SNAPC3: variants seen among roughly 807,000 people sequenced by gnomAD.
The protein encoded by SNAPC3 is small nuclear RNA activating complex polypeptide 3.
SNAPC3 carries 56 observed loss-of-function variants against 47.7 expected under a neutral mutation model. That is an observed-to-expected ratio of 1.18 (90% CI 0.95 to 1.47). The LOEUF (loss-of-function observed/expected upper bound fraction) is 1.47. SNAPC3 is among the 40% of genes most tolerant of loss of function. The probability of loss-of-function intolerance (pLI) is 0.00; values close to 1 mark genes in which losing one functional copy is unlikely to be tolerated. For missense variants in SNAPC3, 665 were observed against 511.3 expected (o/e 1.30, Z -2.90); for synonymous variants, 235 against 189.9 (o/e 1.24, Z -1.95).
chr9:15,458,204 G>GA (rs1428135608), intron 8 of SNAPC3, 137 bp downstream of exon 8: 2 of 527,518 alleles, frequency 3.8e-6, no homozygotes, highest in African/African-American at 4.0e-5. Flanking sequence ...GGAAGTGCCA[G>GA]AAAATCAATT....
At chr9:15,455,484 T>C (rs2034708475) in intron 7 of SNAPC3, among the ~76,000 whole-genome samples, 1 of 152,048 alleles carries the variant, frequency 6.6e-6, no homozygotes, top group African/African-American at 2.4e-5. Flanking sequence ...CGAGAATCAC[T>C]TGAACCCGGG....
At chr9:15,452,971 C>T in intron 6 of SNAPC3, 70 bp from the exon 7 acceptor site, 1 of 1,328,388 alleles carries the variant, frequency 7.5e-7, no homozygotes, top group Non-Finnish European at 1.0e-6. Context: ...TTACTGCAAT[C>T]ACAAACTGTT....
In SNAPC3 at chr9:15,461,477, A is replaced by G. The variant is rs1228675230; in HGVS notation, c.*1611A>G. 1 of 152,174 alleles carries G rather than the reference A, an allele frequency of 6.6e-6. No homozygotes were observed. Among genetic ancestry groups the G allele is most frequent in the East Asian group, 1.9e-4 (1 of 5,202 alleles). The allele number at this position is 152,174 out of a possible 1,614,324, so 9.4% of individuals were successfully genotyped here. A position where few individuals can be genotyped will look rare whatever the true frequency, so the allele number is the denominator to read the frequency against. On this transcript the variant is annotated 3_prime_UTR_variant, in exon 9 of 9. Transcript: ENST00000380821. ...GCGCCCAGCAAAATAAACTTTCTTT[A>G]TTTTCAGGTCTAGACCATCAGATAG...
chr9:15,460,434 A>T lies in SNAPC3; in HGVS notation c.*568A>T, dbSNP rs1047131762. 1 of 152,262 alleles carries T rather than the reference A, an allele frequency of 6.6e-6. No individual in the cohort carries two copies. The highest frequency in any genetic ancestry group is 2.1e-4 in the South Asian group (1 of 4,828). 9.4% of individuals were successfully genotyped at this position (152,262 alleles called of 1,614,324 possible). A position where few individuals can be genotyped will look rare whatever the true frequency, so the allele number is the denominator to read the frequency against. ...AGACAAAATCTCGCTCTTGTTGCCC[A>T]GGCTGGAATACAGTGGCGCAATCTC... On this transcript the variant is annotated 3_prime_UTR_variant, in exon 9 of 9. Transcript: ENST00000380821.
intron 3 of SNAPC3, among the ~76,000 whole-genome samples, chr9:15,444,049 C>T (rs922483519): frequency 1.3e-5 from 2 of 152,168 alleles, no homozygotes; most frequent in Non-Finnish European, 2.9e-5. Flanking sequence ...TTTTAAAACT[C>T]CTGCATCTAA....
intron 7 of SNAPC3, 30 bp downstream of exon 7, chr9:15,453,235 A>T: frequency 6.5e-7 from 1 of 1,531,386 alleles, no homozygotes; most frequent in Non-Finnish European, 8.8e-7. Context: ...ACATTTTGTT[A>T]CCTTTTTTTT....
In SNAPC3 at chr9:15,447,136, C is replaced by T. The variant is rs767418186; in HGVS notation, c.624C>T (p.Gly208=). 2 of 1,613,870 alleles carry T rather than the reference C, an allele frequency of 1.2e-6. No homozygotes were observed. Among genetic ancestry groups the T allele is most frequent in the East Asian group, 4.5e-5 (2 of 44,884 alleles). ...HKPYQTMLVL[G]SQKLTQLRDS... ...CATACCAAACAATGCTGGTGTTGGG[C>T]AGTCAAAAACTCACACAACTGAGGG... The change falls in exon 5 of 9, where the codon GGC becomes GGT. Residue 208 remains glycine, a synonymous_variant. Transcript: ENST00000380821.
At chr9:15,439,788 T>A (rs2033160641) in intron 3 of SNAPC3, among the ~76,000 whole-genome samples, 1 of 152,110 alleles carries the variant, frequency 6.6e-6, no homozygotes, top group African/African-American at 2.4e-5. Flanking sequence ...CCTGCCTCAG[T>A]CTCCCAAAGT....
chr9:15,441,900 G>C (rs1432330409), intron 3 of SNAPC3, among the ~76,000 whole-genome samples: 2 of 152,184 alleles, frequency 1.3e-5, no homozygotes, highest in Non-Finnish European at 2.9e-5. Context: ...TTCTCAATGA[G>C]CTGTTGGGTA....
intron 7 of SNAPC3, among the ~76,000 whole-genome samples, chr9:15,455,725 G>A (rs1367717307): frequency 6.6e-6 from 1 of 150,590 alleles, no homozygotes; most frequent in Non-Finnish European, 1.5e-5. Context: ...TTGAGACGGA[G>A]TTTCGCTCTG....
chr9:15,455,759 C>G (rs1332416365), intron 7 of SNAPC3, among the ~76,000 whole-genome samples: 1 of 151,526 alleles, frequency 6.6e-6, no homozygotes, highest in Admixed American at 6.6e-5. Context: ...AATGCAGTGG[C>G]ATGATCTCAG....
intron 3 of SNAPC3, among the ~76,000 whole-genome samples, chr9:15,443,069 G>T (rs1200378233): frequency 1.3e-5 from 2 of 152,216 alleles, no homozygotes; most frequent in African/African-American, 4.8e-5. Flanking sequence ...CACTCGGCAG[G>T]CTGAGGCAGG....
At position 15,430,676 on chromosome 9, in the gene SNAPC3, T is replaced by C. The variant is rs2032023873; in HGVS notation, c.393-2876T>C. On this transcript the variant is annotated intron_variant, in intron 2 of 8. Coordinates refer to ENST00000380821, the MANE Select transcript of SNAPC3 (RefSeq NM_001039697.2). ...CTTGTTTCTGTCTGCTTGTTATTCC[T>C]TGCAGTATTGTTTGTAATTGCAAAA... 1.3e-5 allele frequency among the ~76,000 whole-genome samples: 2 copies of C among 152,192 alleles called. 1 individual carries two copies. Among genetic ancestry groups the C allele is most frequent in the South Asian group, 4.1e-4 (2 of 4,828 alleles).
downstream of SNAPC3, chr9:15,465,586 G>A: frequency 6.4e-7 from 1 of 1,566,470 alleles, no homozygotes. Flanking sequence ...ATGGCCTGAA[G>A]AAAAGGGGGA....
rs2035104264 is a variant in SNAPC3 at position 15,460,236 on chromosome 9, A to G, written c.*370A>G. On this transcript the variant is annotated 3_prime_UTR_variant, in exon 9 of 9. Transcript: ENST00000380821. ...TTTGCTAAAGATAGAATTATTAATG[A>G]TACATCAAGTAGTGGAAGTGTTTTG... 6.4e-6 allele frequency: 1 copy of G among 156,114 alleles called. No individual in the cohort carries two copies. Among genetic ancestry groups the G allele is most frequent in the African/African-American group, 2.4e-5 (1 of 41,586 alleles). 9.7% of individuals were successfully genotyped at this position (156,114 alleles called of 1,614,324 possible).
intron 3 of SNAPC3, 42 bp downstream of exon 3, chr9:15,433,678 C>T: frequency 2.4e-6 from 3 of 1,244,832 alleles, no homozygotes; most frequent in Non-Finnish European, 3.5e-6. Context: ...TCTCTTAAAA[C>T]AGTAAACCGA....
chr9:15,441,187 C>T (rs1587278345), intron 3 of SNAPC3, among the ~76,000 whole-genome samples: 1 of 146,354 alleles, frequency 6.8e-6, no homozygotes, highest in African/African-American at 2.5e-5. Flanking sequence ...GCTGTAACGT[C>T]TTTTTTTTTT....
chr9:15,452,013 G>T (rs1348708076), intron 6 of SNAPC3, among the ~76,000 whole-genome samples: 1 of 152,012 alleles, frequency 6.6e-6, no homozygotes, highest in Admixed American at 6.6e-5. Flanking sequence ...ACCCAGTCTG[G>T]AGTATGGTGG....
At position 15,422,936 on chromosome 9, in the gene SNAPC3, C is replaced by G; in HGVS notation, c.57C>G (p.Asp19Glu). 1 of 1,538,822 alleles carries G rather than the reference C, an allele frequency of 6.5e-7. No individual in the cohort carries two copies. The highest frequency in any genetic ancestry group is 8.7e-7 in the Non-Finnish European group (1 of 1,145,554). ...PTCSGVGGRQ[D>E]PVSGSGGCNF... ...GTAGCGGGGTGGGTGGCAGGCAGGA[C>G]CCAGTCTCCGGCAGTGGCGGCTGCA... Residue 19 changes from aspartate to glutamate, a missense_variant, in exon 1 of 9, where the codon GAC becomes GAG. Transcript: ENST00000380821.
Sources: gnomAD v4.1 joint callset for allele counts (sites outside exome capture counted in the v4.1 genomes callset) on GRCh38, gnomAD v4.1.1 for gene constraint, MANE v1.5 for transcripts, NCBI Gene and HGNC (gene_info 2026-07-23, HGNC 2026-07-21) for gene names.